The following CDH23 variants were observed in gnomAD, a reference collection of about 807,000 sequenced individuals.
CDH23 encodes the protein cadherin-23.
A neutral mutation model predicts 317.1 loss-of-function variants in CDH23; 189 were observed. The observed-to-expected ratio is 0.60, with a 90% confidence interval of 0.53 to 0.67. CDH23 has a LOEUF of 0.67. Ranked by LOEUF, CDH23 falls within the 30% of genes least tolerant of loss-of-function variation. CDH23 has a pLI of 0.00. For missense variants in CDH23, 4,401 were observed against 4,592.4 expected (o/e 0.96, Z 1.20); for synonymous variants, 1,839 against 1,876.8 (o/e 0.98, Z 0.52).
intron 28 of CDH23, 94 bp from the exon 29 acceptor site, chr10:71,723,951 A>C: frequency 7.3e-7 from 1 of 1,375,716 alleles, no homozygotes; most frequent in Non-Finnish European, 1.0e-6. Flanking sequence ...AGGATGGGGT[A>C]GGATGCGTGA....
chr10:71,670,154 G>C (rs1308591918), intron 14 of CDH23, among the ~76,000 whole-genome samples: 2 of 152,186 alleles, frequency 1.3e-5, no homozygotes, highest in South Asian at 4.1e-4. Flanking sequence ...AGGGAGCCTC[G>C]GCAGGGGCCA....
chr10:71,681,735 A>C (rs1277224196), intron 17 of CDH23, among the ~76,000 whole-genome samples: 1 of 152,214 alleles, frequency 6.6e-6, no homozygotes, highest in Non-Finnish European at 1.5e-5. Flanking sequence ...CAGAAGTTCG[A>C]GACCAGCCTA....
At chr10:71,533,569 A>ACC (rs1491567904) in intron 6 of CDH23, among the ~76,000 whole-genome samples, 4 of 109,500 alleles carry the variant, frequency 3.7e-5, no homozygotes, top group Non-Finnish European at 6.3e-5. Context: ...ACACACACAC[A>ACC]CTGGCTGGGG....
At chr10:71,469,492 G>A (rs1030419331) in intron 3 of CDH23, among the ~76,000 whole-genome samples, 68 of 152,142 alleles carry the variant, frequency 4.5e-4, no homozygotes, top group Admixed American at 4.4e-3. Flanking sequence ...TTATCGTTGA[G>A]TTATATTCCA....
intron 3 of CDH23, chr10:71,508,324 G>A (rs1223238153): frequency 6.6e-6 from 1 of 152,202 alleles, no homozygotes. Context: ...CATATTGAGT[G>A]TTGAGATATC....
At chr10:71,575,112 G>T (rs1159301743) in intron 8 of CDH23, among the ~76,000 whole-genome samples, 1 of 152,204 alleles carries the variant, frequency 6.6e-6, no homozygotes, top group Non-Finnish European at 1.5e-5. Context: ...TGCCAGTTCT[G>T]CCCTGGAGGC....
chr10:71,639,610 C>A (rs776472184), intron 11 of CDH23, among the ~76,000 whole-genome samples: 2 of 152,212 alleles, frequency 1.3e-5, no homozygotes, highest in Non-Finnish European at 2.9e-5. Context: ...TCCAAGCCTT[C>A]CTTGGCTGCT....
intron 15 of CDH23, among the ~76,000 whole-genome samples, chr10:71,677,075 T>G (rs961630806): frequency 6.6e-6 from 1 of 152,176 alleles, no homozygotes; most frequent in Non-Finnish European, 1.5e-5. Flanking sequence ...ACCAGCTGCT[T>G]TCTGCCCATT....
At chr10:71,798,906 G>A (rs1490245907) in intron 50 of CDH23, among the ~76,000 whole-genome samples, 1 of 152,158 alleles carries the variant, frequency 6.6e-6, no homozygotes, top group East Asian at 1.9e-4. Context: ...TCCTGTGACT[G>A]GGAGAAGCTT....
In CDH23 at chr10:71,814,952, C is replaced by A; in HGVS notation, c.9739C>A (p.Leu3247Met). ...ASSCHSSISE[L>M]IQTELDEEPG... ...ATGTGGGGGTCCCGGCCTCTTGCAG[C>A]TGATACAGACTGAGCTGGACGAGGA... is the stretch of plus-strand genomic sequence containing the variant. Residue 3247 changes from leucine to methionine, a missense_variant and splice_region_variant, in exon 70 of 70, where the codon CTG (leucine) becomes ATG (methionine). Around this residue, in one of 3 missense-constraint regions of CDH23, gnomAD observed 1,144 missense variants for 1,138.2 expected, o/e 1.01. Coordinates refer to ENST00000224721, the MANE Select transcript of CDH23 (RefSeq NM_022124.6). The A allele has an allele frequency of 6.2e-7, 1 of 1,607,054 alleles. No homozygotes were observed.
intron 19 of CDH23, among the ~76,000 whole-genome samples, chr10:71,689,960 C>T (rs531142176): frequency 1.7e-4 from 26 of 152,274 alleles, no homozygotes; most frequent in Admixed American, 1.1e-3. Flanking sequence ...AAGCTGATAC[C>T]TTGAGTCAGG....
intron 20 of CDH23, among the ~76,000 whole-genome samples, chr10:71,691,455 C>G (rs909251780): frequency 6.6e-6 from 1 of 152,180 alleles, no homozygotes; most frequent in African/African-American, 2.4e-5. Flanking sequence ...CACCCCACTT[C>G]CAATACGCAT....
chr10:71,539,538 T>A (rs1855879681), intron 6 of CDH23, among the ~76,000 whole-genome samples: 1 of 151,714 alleles, frequency 6.6e-6, no homozygotes, highest in African/African-American at 2.4e-5. Context: ...GATGCAAAAC[T>A]AGAGATATAA....
rs1250246654 is a variant in CDH23, at chr10:71,809,800, C to T, written c.8723-20C>T. 8.7e-6 allele frequency: 14 copies of T among 1,606,010 alleles called. No homozygotes were observed. Among genetic ancestry groups the T allele is most frequent in the Middle Eastern group, 1.6e-4 (1 of 6,066 alleles). ...GGCACTGAGTCTCTGAGCCGTACCC[C>T]GCCTTTGGGCTTCCTGCAGGGAGCA... is the stretch of plus-strand genomic sequence containing the variant. On this transcript the variant is annotated intron_variant, in intron 60 of 69. Transcript: ENST00000224721.
In CDH23 at chr10:71,510,971, C is replaced by A. The variant is rs774465287; in HGVS notation, c.306C>A (p.Thr102=). The A allele has an allele frequency of 6.2e-7, 1 of 1,613,936 alleles. No homozygotes were observed. Among genetic ancestry groups the A allele is most frequent in the Non-Finnish European group, 8.5e-7 (1 of 1,179,856 alleles). Reference sequence around the variant, plus strand: ...TCTTTCAGACCAAGTCAGAGTTCACCGTGGAGTTCTCTGTCAGCGACCACC... The same window carrying A: ...TCTTTCAGACCAAGTCAGAGTTCACAGTGGAGTTCTCTGTCAGCGACCACC... The part of the protein sequence containing the change: ...PLDRETKSEF[T]VEFSVSDHQG... The change falls in exon 5 of 70, where the codon ACC becomes ACA. Residue 102 remains threonine (T), a synonymous_variant. Transcript: ENST00000224721.
chr10:71,735,590 C>T (rs1839541004), intron 34 of CDH23, among the ~76,000 whole-genome samples: 1 of 152,210 alleles, frequency 6.6e-6, no homozygotes, highest in South Asian at 2.1e-4. Flanking sequence ...GGCTCCTCAT[C>T]AGCCTTGGTT....
intron 11 of CDH23, among the ~76,000 whole-genome samples, chr10:71,633,739 A>C (rs1331259643): frequency 6.6e-6 from 1 of 152,090 alleles, no homozygotes; most frequent in East Asian, 1.9e-4. Context: ...TGACGGTGGG[A>C]TCCCTGATGT....
chr10:71,461,435 T>C (rs1416954394), intron 3 of CDH23, among the ~76,000 whole-genome samples: 1 of 152,184 alleles, frequency 6.6e-6, no homozygotes, highest in Non-Finnish European at 1.5e-5. Flanking sequence ...GGGGAAGCCT[T>C]TTCTCCGGAA....
intron 6 of CDH23, among the ~76,000 whole-genome samples, chr10:71,553,242 C>A (rs1460651973): frequency 1.3e-5 from 2 of 152,116 alleles, no homozygotes; most frequent in Non-Finnish European, 2.9e-5. Context: ...CCTCCAAGGT[C>A]CCCAGAGCCC....
Sources: gnomAD v4.1 joint callset for allele counts (sites outside exome capture counted in the v4.1 genomes callset) on GRCh38, gnomAD v4.1.1 for gene constraint, gnomAD v4.1.1 regional missense constraint, MANE v1.5 for transcripts, NCBI Gene and HGNC (gene_info 2026-07-23, HGNC 2026-07-21) for gene names.